RALGDS: variants seen among roughly 807,000 people sequenced by gnomAD.
RALGDS encodes ral guanine nucleotide dissociation stimulator, also known as ral guanine nucleotide exchange factor.
In RALGDS, 44 loss-of-function variants were observed where a neutral mutation model predicts 99.8. The observed-to-expected ratio is 0.44, with a 90% confidence interval of 0.35 to 0.57. The LOEUF is 0.57. RALGDS is among the 20% of genes least tolerant of loss of function. RALGDS has a pLI of 0.01. For missense variants in RALGDS, 1,022 were observed against 1,203.1 expected (o/e 0.85, Z 2.23); for synonymous variants, 529 against 505.0 (o/e 1.05, Z -0.64).
At chr9:133,124,205 T>TAGAGAC (rs1248328969), upstream of RALGDS, among the ~76,000 whole-genome samples, 1 of 123,572 alleles carries the variant, frequency 8.1e-6, no homozygotes, top group Non-Finnish European at 1.7e-5. Flanking sequence ...CAGAGACACA[T>TAGAGAC]AGAGACAGAG....
rs779348238 is a variant in RALGDS at position 133,108,164 on chromosome 9, G to C, written c.1021C>G (p.Gln341Glu). 6 of 1,613,508 alleles carry C rather than the reference G, an allele frequency of 3.7e-6. No individual in the cohort carries two copies. The highest frequency in any genetic ancestry group is 4.2e-6 in the Non-Finnish European group (5 of 1,179,964). ...PALELEPAPEQDPAPSQTLEL... is the reference protein window; with the variant it reads ...PALELEPAPEEDPAPSQTLEL... ...AGAGTTTGTGAGGGAGCTGGATCCT[G>C]TTCTGGAGCTGGCTCTAGTTCCAGA... Residue 341 changes from glutamine to glutamate, a missense_variant, in exon 6 of 18, where the codon CAG becomes GAG. Physicochemically the swap from Gln to Glu is conservative, Grantham distance 29 (BLOSUM62 2). Transcript: ENST00000372050.
chr9:133,107,005 G>T, intron 7 of RALGDS, 80 bp downstream of exon 7: 1 of 1,506,156 alleles, frequency 6.6e-7, no homozygotes, highest in Non-Finnish European at 9.2e-7. Context: ...ACTGGGGCCT[G>T]TACAGGGCCT....
intron 1 of RALGDS, among the ~76,000 whole-genome samples, chr9:133,116,883 G>A (rs1168174201): frequency 6.6e-6 from 1 of 152,250 alleles, no homozygotes; most frequent in African/African-American, 2.4e-5. Context: ...TCTCAGGCTT[G>A]GAGCAGAGTC....
Position 133,143,771 on chromosome 9 carries a change from T to TAATAACAAC in RALGDS, c.18+5191_18+5192insGTTGTTATT, listed in dbSNP as rs1554745676. On this transcript the variant is annotated intron_variant, in intron 1 of 17. Transcript: ENST00000393160. ...ATAATAATAATAATAATAATAATAA[T>TAATAACAAC]AACAACAACAACAACAATAATAATA... is the stretch of plus-strand genomic sequence containing the variant. Among the ~76,000 whole-genome samples the TAATAACAAC allele has an allele frequency of 9.9e-4, 111 of 111,568 alleles. 1 individual carries two copies. The highest frequency in any genetic ancestry group is 2.7e-3 in the Admixed American group (28 of 10,270). 73.2% of individuals were successfully genotyped at this position (111,568 alleles called of 152,430 possible).
At chr9:133,126,565 GCATGTGTGGGGACTGCTCTGA>G in intron 1 of RALGDS, among the ~76,000 whole-genome samples, 1 of 152,316 alleles carries the variant, frequency 6.6e-6, no homozygotes, top group East Asian at 1.9e-4. Context: ...TGTAGCCAGG[GCATGTGTGGGGACTGCTCTGA>G]CAACTGTCCC....
intron 1 of RALGDS, among the ~76,000 whole-genome samples, chr9:133,116,456 T>C (rs1831614010): frequency 6.6e-6 from 1 of 152,166 alleles, no homozygotes; most frequent in South Asian, 2.1e-4. Context: ...TACTCACTGA[T>C]GGGAAAATCG....
intron 1 of RALGDS, among the ~76,000 whole-genome samples, chr9:133,140,709 C>T (rs999138952): frequency 1.3e-5 from 2 of 152,144 alleles, no homozygotes; most frequent in Non-Finnish European, 2.9e-5. Flanking sequence ...GCAGCACCCA[C>T]GCAGGGTGGG....
At chr9:133,139,193 G>T (rs963838527) in intron 1 of RALGDS, among the ~76,000 whole-genome samples, 1 of 152,120 alleles carries the variant, frequency 6.6e-6, no homozygotes, top group African/African-American at 2.4e-5. Flanking sequence ...GTGCCCCACC[G>T]CATCCCACAG....
intron 1 of RALGDS, among the ~76,000 whole-genome samples, chr9:133,136,219 A>G (rs1194761044): frequency 6.6e-6 from 1 of 152,286 alleles, no homozygotes; most frequent in Non-Finnish European, 1.5e-5. Context: ...AGAATGCTCC[A>G]GAAGGCAAAA....
At chr9:133,143,566 G>A (rs961314511) in intron 1 of RALGDS, among the ~76,000 whole-genome samples, 6 of 151,780 alleles carry the variant, frequency 4.0e-5, no homozygotes, top group Non-Finnish European at 7.4e-5. Flanking sequence ...GACCAGCCTG[G>A]GCAACATGGT....
chr9:133,124,184 A>G (rs1434671696), upstream of RALGDS, among the ~76,000 whole-genome samples: 1 of 151,368 alleles, frequency 6.6e-6, no homozygotes, highest in Admixed American at 6.6e-5. Context: ...ACAGACACAC[A>G]CACAGACCCA....
At position 133,108,324 on chromosome 9, in the gene RALGDS, C is replaced by G. The variant is rs1407616133; in HGVS notation, c.861G>C (p.Pro287=). 1 of 1,544,160 alleles carries G rather than the reference C, an allele frequency of 6.5e-7. No homozygotes were observed. The highest frequency in any genetic ancestry group is 8.7e-7 in the Non-Finnish European group (1 of 1,147,154). Reference sequence around the variant, plus strand: ...CTGGCTCTGGCTCCGGGGCTGGAGCCGGCACTGGGCTGGGTGCTCGAGCTG... The same window carrying G: ...CTGGCTCTGGCTCCGGGGCTGGAGCGGGCACTGGGCTGGGTGCTCGAGCTG... ...LTPARAPSPV[P]APAPEPEPAP... The change falls in exon 6 of 18, where the codon CCG becomes CCC. Residue 287 remains proline, a synonymous_variant. Transcript: ENST00000372050.
intron 9 of RALGDS, 114 bp downstream of exon 9, chr9:133,105,818 C>CGCCCCA (rs1281187142): frequency 3.4e-6 from 1 of 296,150 alleles, no homozygotes; most frequent in Non-Finnish European, 6.0e-6. Context: ...CACCGCCCGC[C>CGCCCCA]GCCCCAGCCC....
At chr9:133,108,455 T>C (rs1320669139) in intron 5 of RALGDS, 49 bp from the exon 6 acceptor site, 4 of 1,508,714 alleles carry the variant, frequency 2.7e-6, no homozygotes, top group Middle Eastern at 3.6e-4. Flanking sequence ...CCTGTGCCTT[T>C]CCAAAGACAC....
At position 133,144,416 on chromosome 9, in the gene RALGDS, C is replaced by CCA. The variant is rs1832589452; in HGVS notation, c.18+4545_18+4546dup. ...CCCGCCGGCCTCCGACGCAAAGTCG[C>CCA]CACCCAGTCACCCCGCCTCGGCCCC... On this transcript the variant is annotated intron_variant, in intron 1 of 17. Coordinates refer to the RALGDS transcript ENST00000393160. This position sits in a 1 kb window ranked among gnomAD's most constrained non-coding sequence, Gnocchi z 4.5. Among the ~76,000 whole-genome samples the CCA allele has an allele frequency of 6.6e-6, 1 of 152,220 alleles. No individual in the cohort carries two copies. Among genetic ancestry groups the CCA allele is most frequent in the South Asian group, 2.1e-4 (1 of 4,832 alleles).
At position 133,103,550 on chromosome 9, in the gene RALGDS, GTCACTGCC is replaced by G. The variant is rs2119130748; in HGVS notation, c.1758+189_1758+196del. 5 of 709,440 alleles carry G rather than the reference GTCACTGCC, an allele frequency of 7.0e-6. No homozygotes were observed. The South Asian group carries it at 8.1e-5, about 11-fold the overall frequency. 43.9% of individuals were successfully genotyped at this position (709,440 alleles called of 1,614,324 possible). A position where few individuals can be genotyped will look rare whatever the true frequency, so the allele number is the denominator to read the frequency against. ...GGCCTGGCTTCCCTCTGTGCTCAGG[GTCACTGCC>G]TGAGGGATGGGCTGTGTCCCACTCA... is the stretch of plus-strand genomic sequence containing the variant. On this transcript the variant is annotated intron_variant, in intron 11 of 17. Coordinates refer to ENST00000372050, the MANE Select transcript of RALGDS (RefSeq NM_006266.4).
At chr9:133,125,722 C>T (rs916837485), upstream of RALGDS, among the ~76,000 whole-genome samples, 1 of 152,128 alleles carries the variant, frequency 6.6e-6, no homozygotes, top group Non-Finnish European at 1.5e-5. Context: ...GGCGACAAAG[C>T]AAGACTCCGT....
rs189204618 is a variant in RALGDS, at chr9:133,114,930, T to C, written c.184-2778A>G. ...GTGAGCAGGGGCCCCCACACCCCAA[T>C]GTCTCCAGGGACACAGCCCAGAGCC... On this transcript the variant is annotated intron_variant, in intron 1 of 17. Transcript: ENST00000372050. Among the ~76,000 whole-genome samples, 661 of 152,276 alleles carry C rather than the reference T, an allele frequency of 4.3e-3. 5 individuals carry two copies. The highest frequency in any genetic ancestry group is 0.015 in the African/African-American group (606 of 41,570).
Position 133,111,945 on chromosome 9 carries a change from C to T in RALGDS, c.294+97G>A, listed in dbSNP as rs111851145. The T allele has an allele frequency of 6.6e-4, 615 of 926,752 alleles. 4 individuals are homozygous for T. The African/African-American group carries it at 8.5e-3, about 13-fold the overall frequency. The allele number at this position is 926,752 out of a possible 1,614,324, so 57.4% of individuals were successfully genotyped here. A position where few individuals can be genotyped will look rare whatever the true frequency, so the allele number is the denominator to read the frequency against. ...TGGGGGTCGGGAAGGGAGTGAAGGC[C>T]GTTTCCTTTGGGATCAGAACTGGGG... On this transcript the variant is annotated intron_variant, in intron 2 of 17. Transcript: ENST00000372050.
Sources: allele counts gnomAD v4.1 joint callset (sites outside exome capture counted in the v4.1 genomes callset), GRCh38; gene constraint gnomAD v4.1.1; non-coding constraint Gnocchi (gnomAD v3.1); transcripts MANE v1.5; gene names NCBI Gene and HGNC (gene_info 2026-07-23, HGNC 2026-07-21).